The following LRRC37A variants were observed in gnomAD, a reference collection of about 807,000 sequenced individuals.
LRRC37A encodes leucine-rich repeat-containing protein 37A.
A neutral mutation model predicts 35.4 loss-of-function variants in LRRC37A; 3 were observed. The observed-to-expected ratio is 0.08, with a 90% confidence interval of 0.04 to 0.22. The LOEUF (loss-of-function observed/expected upper bound fraction) is 0.22, where lower values mean the gene tolerates loss of function less well. LRRC37A is among the 10% of genes least tolerant of loss of function. LRRC37A has a pLI of 1.00. For synonymous variants in LRRC37A, 23 were observed against 215.0 expected (o/e 0.11, Z 7.81); for missense variants, 67 against 565.3 (o/e 0.12, Z 8.94).
At chr17:46,289,956 T>A (rs1181552815), upstream of LRRC37A, among the ~76,000 whole-genome samples, 1 of 152,152 alleles carries the variant, frequency 6.6e-6, no homozygotes, top group African/African-American at 2.4e-5. Flanking sequence ...CCATCTCTAC[T>A]AAAAATACAA....
At chr17:46,252,803 T>C in the LRRC37A span, among the ~76,000 whole-genome samples, 3 of 152,208 alleles carry the variant, frequency 2.0e-5, no homozygotes, top group Non-Finnish European at 2.9e-5. Context: ...ACCATCCGAC[T>C]TCTCAGTCCT....
chr17:46,267,281 T>C, the LRRC37A span: 1 of 1,150,200 alleles, frequency 8.7e-7, no homozygotes, highest in South Asian at 1.6e-5. Flanking sequence ...GCCCAGGGAC[T>C]GGGAGAGGAA....
the LRRC37A span, among the ~76,000 whole-genome samples, chr17:46,254,974 T>G: frequency 0.11 from 15,612 of 143,864 alleles, 1 homozygote; most frequent in Middle Eastern, 0.18. Context: ...TAGCTGGGAT[T>G]ATAGGCGCAC....
At chr17:46,256,016 G>A in the LRRC37A span, among the ~76,000 whole-genome samples, 1 of 152,246 alleles carries the variant, frequency 6.6e-6, no homozygotes, top group African/African-American at 2.4e-5. Context: ...ACCTCCATGT[G>A]ATGGTATTAG....
the LRRC37A span, among the ~76,000 whole-genome samples, chr17:46,253,120 C>G: frequency 1.4e-5 from 2 of 147,980 alleles, no homozygotes; most frequent in Admixed American, 6.8e-5. Flanking sequence ...ATGGGGCGGC[C>G]GGGCAGAGAC....
At chr17:46,288,706 CTTTTTTT>C (rs199591277), upstream of LRRC37A, among the ~76,000 whole-genome samples, 1 of 139,060 alleles carries the variant, frequency 7.2e-6, no homozygotes, top group Non-Finnish European at 1.6e-5. Flanking sequence ...CTTGTTTTTT[CTTTTTTT>C]TTTTTTTTGA....
chr17:46,288,157 T>C (rs1409787784), upstream of LRRC37A, among the ~76,000 whole-genome samples: 1 of 150,954 alleles, frequency 6.6e-6, no homozygotes, highest in African/African-American at 2.4e-5. Context: ...TACCACTAAC[T>C]TTTTTCTTTT....
upstream of LRRC37A, among the ~76,000 whole-genome samples, chr17:46,289,652 A>ATT (rs1247888507): frequency 6.6e-6 from 1 of 152,222 alleles, no homozygotes; most frequent in Non-Finnish European, 1.5e-5. Context: ...AATCTGACAC[A>ATT]TTTATAAATT....
intron 7 of LRRC37A, among the ~76,000 whole-genome samples, chr17:46,324,838 T>TAAAAAAAA (rs1276976720): frequency 1.3e-5 from 1 of 74,910 alleles, no homozygotes; most frequent in African/African-American, 3.4e-5. Context: ...AGACCCTGTC[T>TAAAAAAAA]AAAATATATA....
the LRRC37A span, among the ~76,000 whole-genome samples, chr17:46,271,318 A>T: frequency 6.7e-6 from 1 of 148,360 alleles, no homozygotes; most frequent in Non-Finnish European, 1.5e-5. Flanking sequence ...GGCATGCGCC[A>T]CTTTACCTAG....
At chr17:46,285,395 C>A in the LRRC37A span, among the ~76,000 whole-genome samples, 5 of 152,204 alleles carry the variant, frequency 3.3e-5, no homozygotes, top group African/African-American at 9.6e-5. Flanking sequence ...CTCACGCCAC[C>A]ACACCCGACT....
At chr17:46,248,159 T>C in the LRRC37A span, among the ~76,000 whole-genome samples, 3 of 151,894 alleles carry the variant, frequency 2.0e-5, no homozygotes, top group Admixed American at 2.0e-4. Flanking sequence ...CTGGAAAAAC[T>C]GTAAGTTATT....
chr17:46,270,590 T>C, the LRRC37A span, among the ~76,000 whole-genome samples: 1 of 152,202 alleles, frequency 6.6e-6, no homozygotes, highest in Non-Finnish European at 1.5e-5. Context: ...CTCAGGCCAG[T>C]CAAATCAAAG....
At chr17:46,285,788 T>C in the LRRC37A span, among the ~76,000 whole-genome samples, 1 of 152,236 alleles carries the variant, frequency 6.6e-6, no homozygotes, top group Non-Finnish European at 1.5e-5. Flanking sequence ...ATAATCACTC[T>C]AAGATTGGAA....
At chr17:46,263,854 CAAAAA>C in the LRRC37A span, among the ~76,000 whole-genome samples, 3 of 96,254 alleles carry the variant, frequency 3.1e-5, no homozygotes, top group Non-Finnish European at 4.1e-5. Flanking sequence ...GACTCTGTCT[CAAAAA>C]AAAAAAAAAA....
In LRRC37A at chr17:46,331,158, C is replaced by T. The variant is rs1384416527; in HGVS notation, c.3881C>T (p.Thr1294Met). Reference sequence around the variant, plus strand: ...AAGGCTAGAGTTACAAATACGAAGACGTCTAAACCAATCGTACATGCCAGA... The same window carrying T: ...AAGGCTAGAGTTACAAATACGAAGATGTCTAAACCAATCGTACATGCCAGA... Residue 1294 changes from threonine to methionine, a missense_variant, in exon 9 of 14, where the codon ACG (threonine) becomes ATG (methionine). Transcript: ENST00000320254. The T allele has an allele frequency of 2.0e-5, 15 of 739,022 alleles. 5 individuals carry two copies. The Admixed American group carries it at 2.3e-4, about 11-fold the overall frequency. 45.8% of individuals were successfully genotyped at this position (739,022 alleles called of 1,614,324 possible).
At chr17:46,270,727 C>T in the LRRC37A span, among the ~76,000 whole-genome samples, 7 of 152,214 alleles carry the variant, frequency 4.6e-5, no homozygotes, top group East Asian at 1.2e-3. Context: ...GCCAACATAG[C>T]GAAACTCTGT....
At chr17:46,253,239 G>T in the LRRC37A span, among the ~76,000 whole-genome samples, 1 of 146,618 alleles carries the variant, frequency 6.8e-6, no homozygotes, top group Non-Finnish European at 1.5e-5. Flanking sequence ...GGGCGGCCGG[G>T]CAGAGACGCT....
the LRRC37A span, among the ~76,000 whole-genome samples, chr17:46,248,465 T>A: frequency 6.6e-6 from 1 of 152,072 alleles, no homozygotes; most frequent in Non-Finnish European, 1.5e-5. Flanking sequence ...TTCCAGAATA[T>A]CTTATAAATG....
Sources: allele counts gnomAD v4.1 joint callset (sites outside exome capture counted in the v4.1 genomes callset), GRCh38; gene constraint gnomAD v4.1.1; transcripts MANE v1.5; gene names NCBI Gene and HGNC (gene_info 2026-07-23, HGNC 2026-07-21).